Variants in DCAF1 observed in about 807,000 individuals in gnomAD.
The protein encoded by DCAF1 is DDB1 and CUL4 associated factor 1, also known as DDB1- and CUL4-associated factor 1.
Under a neutral mutation model 128.0 loss-of-function variants are expected in DCAF1, and 15 were observed. The observed-to-expected ratio is 0.12, with a 90% confidence interval of 0.08 to 0.18. DCAF1 has a LOEUF of 0.18. Among genes scored for constraint, DCAF1 ranks in the 10% least tolerant of loss-of-function variants. DCAF1 has a pLI of 1.00. For missense variants in DCAF1, 988 were observed against 1,649.5 expected, an observed-to-expected ratio of 0.60 and a Z score of 6.95; for synonymous variants, 610 against 603.0, an observed-to-expected ratio of 1.01 and a Z score of -0.17.
At chr3:51,479,408 T>C (rs959292038) in intron 3 of DCAF1, among the ~76,000 whole-genome samples, 1 of 151,056 alleles carries the variant, frequency 6.6e-6, no homozygotes, top group Admixed American at 6.6e-5. Context: ...GAAGCTGAGG[T>C]GGGAGAATCA....
intron 2 of DCAF1, among the ~76,000 whole-genome samples, chr3:51,493,450 G>T (rs1169943009): frequency 6.9e-6 from 1 of 144,352 alleles, no homozygotes; most frequent in Non-Finnish European, 1.5e-5. Flanking sequence ...CATCTCAGGG[G>T]AAAAAAAAAA....
chr3:51,416,959 T>C, intron 17 of DCAF1, 88 bp from the exon 18 acceptor site: 1 of 1,529,768 alleles, frequency 6.5e-7, no homozygotes, highest in Non-Finnish European at 8.8e-7. Context: ...CCCCAGCCTC[T>C]TGCACAATCA....
chr3:51,443,903 C>T lies in DCAF1; in HGVS notation c.376G>A (p.Glu126Lys). 1 of 1,589,248 alleles carries T rather than the reference C, an allele frequency of 6.3e-7. No individual in the cohort carries two copies. The highest frequency in any genetic ancestry group is 1.2e-5 in the South Asian group (1 of 85,692). The change falls in exon 7 of 25, where the codon GAG (glutamate) becomes AAG (lysine). Residue 126 changes from glutamate (E) to lysine (K), a missense_variant and splice_region_variant. This residue lies in a region of DCAF1 where 210 missense variants were observed against 260.2 expected (regional missense o/e 0.81). Coordinates refer to ENST00000684031, the MANE Select transcript of DCAF1 (RefSeq NM_001387579.1). ...TTGAAAAGATTCTCGACAATTCCCT[C>T]CTATAGTAAAGGAAATTAAATAGTA... Reference protein sequence around the residue: ...LETAVVFQEKEGIVENLFKWA... With the variant: ...LETAVVFQEKKGIVENLFKWA...
At chr3:51,482,324 G>C (rs1201484343) in intron 3 of DCAF1, among the ~76,000 whole-genome samples, 1 of 150,234 alleles carries the variant, frequency 6.7e-6, no homozygotes, top group African/African-American at 2.5e-5. Flanking sequence ...GCACACCTGT[G>C]GTCTCATCTA....
At position 51,418,882 on chromosome 3, in the gene DCAF1, C is replaced by CAA; in HGVS notation, c.3237-8_3237-7dup. On this transcript the variant is annotated splice_polypyrimidine_tract_variant and splice_region_variant and intron_variant, in intron 15 of 24. Coordinates refer to ENST00000684031, the MANE Select transcript of DCAF1 (RefSeq NM_001387579.1). The stretch of plus-strand genomic sequence containing the variant: ...ACACTGAAATAGGACGGAATCTAAG[C>CAA]AAAAAAAAGAGAGAATCACAGGCAA... The CAA allele has an allele frequency of 6.3e-7, 1 of 1,583,114 alleles. No individual in the cohort carries two copies. The highest frequency in any genetic ancestry group is 8.6e-7 in the Non-Finnish European group (1 of 1,167,346).
intron 2 of DCAF1, among the ~76,000 whole-genome samples, chr3:51,493,671 C>T (rs1160832923): frequency 6.6e-6 from 1 of 151,952 alleles, no homozygotes; most frequent in Non-Finnish European, 1.5e-5. Flanking sequence ...AAAGCAGACA[C>T]AAAAGGGCAC....
intron 6 of DCAF1, among the ~76,000 whole-genome samples, chr3:51,449,607 C>T (rs1329120634): frequency 6.6e-6 from 1 of 151,644 alleles, no homozygotes. Flanking sequence ...CCATATGCCA[C>T]TAGAAAAAAA....
intron 6 of DCAF1, among the ~76,000 whole-genome samples, chr3:51,461,372 A>G (rs1371328871): frequency 6.6e-5 from 10 of 152,252 alleles, no homozygotes; most frequent in African/African-American, 2.4e-4. Flanking sequence ...ATACCATGTC[A>G]CACCAGTTAG....
At chr3:51,454,359 T>C (rs960442592) in intron 6 of DCAF1, among the ~76,000 whole-genome samples, 44 of 152,096 alleles carry the variant, frequency 2.9e-4, no homozygotes, top group Non-Finnish European at 6.2e-4. Flanking sequence ...CTAATTTTTC[T>C]CTTTTATTTA....
At chr3:51,403,080 G>A in intron 24 of DCAF1, 63 bp downstream of exon 24, 1 of 1,537,684 alleles carries the variant, frequency 6.5e-7, no homozygotes, top group Non-Finnish European at 8.8e-7. Context: ...AGTTGTATGG[G>A]CACAAAAGAA....
At chr3:51,485,461 A>G (rs1706822581) in intron 2 of DCAF1, among the ~76,000 whole-genome samples, 1 of 152,220 alleles carries the variant, frequency 6.6e-6, no homozygotes, top group South Asian at 2.1e-4. Context: ...ACACCCACAT[A>G]TGAGAGGCTT....
chr3:51,499,687 G>A (rs1286457692), intron 1 of DCAF1, among the ~76,000 whole-genome samples, 186 bp downstream of exon 1: 8 of 151,774 alleles, frequency 5.3e-5, no homozygotes, highest in Admixed American at 2.6e-4. Flanking sequence ...GAATCAGGAG[G>A]AGGAAAAGTC....
chr3:51,423,060 C>T lies in DCAF1; in HGVS notation c.1848-629G>A, dbSNP rs144207254. On this transcript the variant is annotated intron_variant, in intron 13 of 24. Transcript: ENST00000684031. ...TCCAGTCTGGGCAACAGAGTGAGAG[C>T]CTGTCTCGAAAAACAAAAAAAAAGA... Among the ~76,000 whole-genome samples the T allele has an allele frequency of 5.2e-3, 782 of 150,700 alleles. 4 individuals carry two copies. Among genetic ancestry groups the T allele is most frequent in the Non-Finnish European group, 9.1e-3 (617 of 67,704 alleles).
rs782372324 is a variant in DCAF1, at chr3:51,440,985, T to C, written c.1113A>G (p.Thr371=). The C allele has an allele frequency of 1.2e-6, 2 of 1,612,594 alleles. No individual in the cohort carries two copies. The highest frequency in any genetic ancestry group is 1.3e-5 in the African/African-American group (1 of 75,040). ...DLKQTNDVLL[T]FEALKHLASL... ...AGAACTTTACCTTTAGTGCCTCAAA[T>C]GTAAGCAGGACATCATTAGTTTGCT... Residue 371 remains threonine (T), a synonymous_variant, in exon 9 of 25, where the codon ACA becomes ACG. Coordinates refer to ENST00000684031, the MANE Select transcript of DCAF1 (RefSeq NM_001387579.1).
At chr3:51,422,720 C>A (rs1233814548) in intron 13 of DCAF1, among the ~76,000 whole-genome samples, 1 of 152,068 alleles carries the variant, frequency 6.6e-6, no homozygotes, top group African/African-American at 2.4e-5. Context: ...TATAGAGACA[C>A]GTACTCTCAA....
At chr3:51,411,395 A>C (rs1698405342) in intron 23 of DCAF1, among the ~76,000 whole-genome samples, 1 of 152,012 alleles carries the variant, frequency 6.6e-6, no homozygotes, top group African/African-American at 2.4e-5. Flanking sequence ...GTACTCTTGG[A>C]AAGAGAATGT....
At chr3:51,458,787 A>C (rs1439517805) in intron 6 of DCAF1, among the ~76,000 whole-genome samples, 1 of 152,218 alleles carries the variant, frequency 6.6e-6, no homozygotes, top group Non-Finnish European at 1.5e-5. Flanking sequence ...ACTACATGAA[A>C]ACTGAACAAC....
At chr3:51,495,180 C>T (rs1708098323) in intron 2 of DCAF1, among the ~76,000 whole-genome samples, 1 of 151,202 alleles carries the variant, frequency 6.6e-6, no homozygotes, top group Non-Finnish European at 1.5e-5. Flanking sequence ...AAAAATTAGC[C>T]GGACGTGGCA....
At chr3:51,489,332 C>CT (rs1707348559) in intron 2 of DCAF1, among the ~76,000 whole-genome samples, 1 of 151,916 alleles carries the variant, frequency 6.6e-6, no homozygotes, top group Non-Finnish European at 1.5e-5. Flanking sequence ...ATTCAGTAGG[C>CT]TGAGGCATGA....
Sources: allele counts gnomAD v4.1 joint callset (sites outside exome capture counted in the v4.1 genomes callset), GRCh38; gene constraint gnomAD v4.1.1; regional missense constraint gnomAD v4.1.1; transcripts MANE v1.5; gene names NCBI Gene and HGNC (gene_info 2026-07-23, HGNC 2026-07-21).